EFCAB13: variants seen among roughly 807,000 people sequenced by gnomAD.
EFCAB13 encodes the protein EF-hand calcium-binding domain-containing protein 13.
A neutral mutation model predicts 110.2 loss-of-function variants in EFCAB13; 91 were observed. The ratio of observed to expected loss-of-function variants is 0.83; its 90% CI spans 0.70 to 0.98. EFCAB13 has a LOEUF of 0.98. EFCAB13 is among the 50% of genes least tolerant of loss of function. The probability of loss-of-function intolerance (pLI) is 0.00; values close to 1 mark genes in which losing one functional copy is unlikely to be tolerated. For missense variants in EFCAB13, 968 were observed against 1,119.4 expected (o/e 0.86, Z 1.93); for synonymous variants, 323 against 369.9 (o/e 0.87, Z 1.45).
chr17:47,345,114 A>G lies in EFCAB13; in HGVS notation c.517+16A>G, dbSNP rs773219408. 1 of 1,558,498 alleles carries G rather than the reference A, an allele frequency of 6.4e-7. No individual in the cohort carries two copies. Among genetic ancestry groups the G allele is most frequent in the East Asian group, 2.3e-5 (1 of 43,954 alleles). On this transcript the variant is annotated intron_variant, in intron 8 of 24. Coordinates refer to ENST00000331493, the MANE Select transcript of EFCAB13 (RefSeq NM_152347.5). ...GAATTAAGTGGTAATAAGAGGTTCT[A>G]AAATTTCTTGAATACATTTCCTGGT...
chr17:47,328,654 A>G, intron 4 of EFCAB13: 1 of 340,666 alleles, frequency 2.9e-6, no homozygotes, highest in South Asian at 9.5e-5. Flanking sequence ...GGAGATCAAA[A>G]GGGTTAAACT....
intron 14 of EFCAB13, among the ~76,000 whole-genome samples, chr17:47,391,156 C>T (rs913672818): frequency 1.3e-5 from 2 of 152,032 alleles, no homozygotes; most frequent in Non-Finnish European, 2.9e-5. Context: ...GCCCAAGCTG[C>T]TTTCAAATCC....
chr17:47,380,559 A>G (rs1174117779), intron 14 of EFCAB13, among the ~76,000 whole-genome samples: 1 of 152,210 alleles, frequency 6.6e-6, no homozygotes, highest in African/African-American at 2.4e-5. Flanking sequence ...ATGTGTCTTT[A>G]TAGTAGAATG....
At chr17:47,426,506 G>T (rs1291121287) in intron 23 of EFCAB13, among the ~76,000 whole-genome samples, 1 of 152,064 alleles carries the variant, frequency 6.6e-6, no homozygotes, top group Non-Finnish European at 1.5e-5. Context: ...CAAACACTGG[G>T]GATCAAATTG....
intron 4 of EFCAB13, among the ~76,000 whole-genome samples, chr17:47,328,632 G>C (rs1451590567): frequency 6.6e-6 from 1 of 152,130 alleles, no homozygotes; most frequent in Non-Finnish European, 1.5e-5. Flanking sequence ...TACGGACCTG[G>C]ATAATTTTTG....
intron 20 of EFCAB13, among the ~76,000 whole-genome samples, chr17:47,408,309 C>A (rs1241276168): frequency 6.6e-6 from 1 of 151,984 alleles, no homozygotes; most frequent in Non-Finnish European, 1.5e-5. Context: ...TAGAGTTTAC[C>A]CCATATTTAG....
chr17:47,361,750 A>G (rs1442510778), intron 10 of EFCAB13, among the ~76,000 whole-genome samples: 1 of 152,212 alleles, frequency 6.6e-6, no homozygotes, highest in Non-Finnish European at 1.5e-5. Flanking sequence ...GTTAAAGAAT[A>G]AAATGAATTT....
chr17:47,351,736 G>T (rs951209243), intron 9 of EFCAB13, among the ~76,000 whole-genome samples: 2 of 151,950 alleles, frequency 1.3e-5, no homozygotes, highest in Non-Finnish European at 2.9e-5. Context: ...TCTTCAAGTT[G>T]TCTGTTCATT....
chr17:47,403,762 T>C, intron 18 of EFCAB13, 116 bp from the exon 19 acceptor site: 1 of 868,002 alleles, frequency 1.2e-6, no homozygotes, highest in Non-Finnish European at 1.6e-6. Flanking sequence ...AGAATTTCTC[T>C]CTGAGATTTC....
chr17:47,403,967 A>G lies in EFCAB13; in HGVS notation c.2107A>G (p.Ile703Val), dbSNP rs2065791827. 3 of 1,611,148 alleles carry G rather than the reference A, an allele frequency of 1.9e-6. No individual in the cohort carries two copies. Among genetic ancestry groups the G allele is most frequent in the South Asian group, 2.2e-5 (2 of 90,444 alleles). The change falls in exon 19 of 25, where the codon ATT becomes GTT. Residue 703 changes from isoleucine to valine, a missense_variant. By Grantham distance (29) the Ile-to-Val change is conservative (BLOSUM62 3). Coordinates refer to ENST00000331493, the MANE Select transcript of EFCAB13 (RefSeq NM_152347.5). ...NLEDFLRNVG[I>V]KSPKEEVEKI... ...GGAAGACTTTCTAAGAAATGTTGGG[A>G]TTAAGTCACCTAAAGAAGAGGTAGA... is the stretch of plus-strand genomic sequence containing the variant.
intron 14 of EFCAB13, among the ~76,000 whole-genome samples, chr17:47,380,880 CTTTTTT>C (rs751480738): frequency 8.1e-6 from 1 of 122,936 alleles, no homozygotes; most frequent in Non-Finnish European, 1.7e-5. Context: ...ATTGCTTCTT[CTTTTTT>C]TTTTTTTTTT....
intron 24 of EFCAB13, among the ~76,000 whole-genome samples, chr17:47,437,307 T>C (rs1905233102): frequency 6.6e-6 from 1 of 152,198 alleles, no homozygotes; most frequent in African/African-American, 2.4e-5. Flanking sequence ...AAGTCCATTG[T>C]TTCTTTGTTG....
intron 14 of EFCAB13, among the ~76,000 whole-genome samples, chr17:47,385,412 T>G (rs936974310): frequency 2.5e-4 from 38 of 151,852 alleles, no homozygotes; most frequent in African/African-American, 9.2e-4. Context: ...ATCTCTGATA[T>G]CCTTTCTTCT....
intron 24 of EFCAB13, among the ~76,000 whole-genome samples, chr17:47,432,589 CA>C (rs1905140014): frequency 1.3e-5 from 2 of 151,584 alleles, no homozygotes; most frequent in South Asian, 4.2e-4. Context: ...GACCCTGTCT[CA>C]AAAAAACAGA....
At chr17:47,404,072 A>T (rs1031409778) in intron 19 of EFCAB13, 51 bp downstream of exon 19, 9 of 1,413,664 alleles carry the variant, frequency 6.4e-6, no homozygotes, top group Non-Finnish European at 8.7e-6. Context: ...GGAGTAAAGA[A>T]GATGTGCAAG....
chr17:47,431,052 A>G lies in EFCAB13; in HGVS notation c.2638+1091A>G, dbSNP rs1204585932. 6.6e-6 allele frequency among the ~76,000 whole-genome samples: 1 copy of G among 152,114 alleles called. No individual in the cohort carries two copies. ...TGATACAAGTATTCAATATATAATG[A>G]TCAAATCAGGATAGTTGGGTTATCT... is the stretch of plus-strand genomic sequence containing the variant. On this transcript the variant is annotated intron_variant, in intron 24 of 24. Coordinates refer to ENST00000331493, the MANE Select transcript of EFCAB13 (RefSeq NM_152347.5). This position sits in a 1 kb window ranked among gnomAD's most constrained non-coding sequence, Gnocchi z 4.1.
At chr17:47,362,483 G>GA (rs2065520284) in intron 10 of EFCAB13, among the ~76,000 whole-genome samples, 1 of 152,204 alleles carries the variant, frequency 6.6e-6, no homozygotes. Context: ...CTACTTAGCA[G>GA]ACTGGGAAAG....
intron 8 of EFCAB13, among the ~76,000 whole-genome samples, chr17:47,346,919 T>C (rs1227776751): frequency 6.6e-6 from 1 of 152,190 alleles, no homozygotes; most frequent in Admixed American, 6.6e-5. Context: ...TAAAACTTAT[T>C]TTATTAAAGC....
chr17:47,424,896 T>G (rs1453752435), intron 23 of EFCAB13, among the ~76,000 whole-genome samples: 73 of 84,488 alleles, frequency 8.6e-4, no homozygotes, highest in African/African-American at 4.1e-3. Flanking sequence ...TTTTTTTTTT[T>G]TTTTGAGACG....
Sources: gnomAD v4.1 joint callset for allele counts (sites outside exome capture counted in the v4.1 genomes callset) on GRCh38, gnomAD v4.1.1 for gene constraint, Gnocchi (gnomAD v3.1) non-coding constraint, MANE v1.5 for transcripts, NCBI Gene and HGNC (gene_info 2026-07-23, HGNC 2026-07-21) for gene names.